SNTG1: variants seen among roughly 807,000 people sequenced by gnomAD.
SNTG1 encodes gamma-1-syntrophin.
Under a neutral mutation model 74.7 loss-of-function variants are expected in SNTG1, and 39 were observed. The ratio of observed to expected loss-of-function variants is 0.52; its 90% CI spans 0.40 to 0.68. SNTG1 has a LOEUF of 0.68. Among genes scored for constraint, SNTG1 ranks in the 30% least tolerant of loss-of-function variants. The pLI is 0.00. For missense variants in SNTG1, 685 were observed against 609.5 expected, an observed-to-expected ratio of 1.12 and a Z score of -1.30; for synonymous variants, 254 against 217.1, an observed-to-expected ratio of 1.17 and a Z score of -1.49.
intron 2 of SNTG1, among the ~76,000 whole-genome samples, chr8:50,269,257 C>T (rs1015649923): frequency 6.6e-6 from 1 of 152,088 alleles, no homozygotes; most frequent in African/African-American, 2.4e-5. Context: ...TAAAAATATT[C>T]ACCATATAAA....
chr8:50,591,703 G>A (rs1345973602), intron 13 of SNTG1, among the ~76,000 whole-genome samples: 1 of 152,162 alleles, frequency 6.6e-6, no homozygotes, highest in Admixed American at 6.5e-5. Flanking sequence ...CATTAATGAT[G>A]CTGCTAGCCC....
chr8:50,456,140 T>G (rs2093502969), intron 8 of SNTG1, among the ~76,000 whole-genome samples: 1 of 152,186 alleles, frequency 6.6e-6, no homozygotes, highest in Admixed American at 6.5e-5. Context: ...GATGCCTTTT[T>G]TGCTAGACCC....
Position 50,507,806 on chromosome 8 carries a change from G to A in SNTG1, c.466+4926G>A, listed in dbSNP as rs112058599. The stretch of plus-strand genomic sequence containing the variant: ...CCATTAACTCATCATTTAACATTAG[G>A]TGTATCTCCTAATGTTATCCCTTCC... On this transcript the variant is annotated intron_variant, in intron 9 of 18. Coordinates refer to ENST00000642720, the MANE Select transcript of SNTG1 (RefSeq NM_018967.5). Among the ~76,000 whole-genome samples the A allele has an allele frequency of 4.3e-3, 625 of 146,908 alleles. 3 individuals are homozygous for A. Among genetic ancestry groups the A allele is most frequent in the African/African-American group, 0.015 (607 of 39,662 alleles).
At chr8:50,481,950 G>T (rs2093744399) in intron 8 of SNTG1, among the ~76,000 whole-genome samples, 1 of 152,138 alleles carries the variant, frequency 6.6e-6, no homozygotes, top group South Asian at 2.1e-4. Context: ...AACAGTTCTG[G>T]TCCTGGATTT....
intron 2 of SNTG1, among the ~76,000 whole-genome samples, chr8:50,359,361 G>T (rs1454046033): frequency 6.6e-6 from 1 of 152,144 alleles, no homozygotes; most frequent in Admixed American, 6.5e-5. Context: ...CTGAACCAAG[G>T]CTGGAATTTA....
Position 50,132,763 on chromosome 8 carries a change from G to A in SNTG1, c.-102-39798G>A, listed in dbSNP as rs539530105. 5.9e-5 allele frequency among the ~76,000 whole-genome samples: 9 copies of A among 152,194 alleles called. No individual in the cohort carries two copies. In the South Asian group the frequency reaches 1.0e-3, roughly 18 times the overall value. On this transcript the variant is annotated intron_variant, in intron 1 of 18. Coordinates refer to ENST00000642720, the MANE Select transcript of SNTG1 (RefSeq NM_018967.5). Reference sequence around the variant, plus strand: ...GTCTCTTTCAGTCTAAACTGACAGTGTCTCTGCTGGTATAAAATTCTCAAA... The same window carrying A: ...GTCTCTTTCAGTCTAAACTGACAGTATCTCTGCTGGTATAAAATTCTCAAA...
chr8:50,506,375 C>A (rs1203818484), intron 9 of SNTG1, among the ~76,000 whole-genome samples: 2 of 151,966 alleles, frequency 1.3e-5, no homozygotes, highest in Non-Finnish European at 1.5e-5. Flanking sequence ...TCTATTTCTG[C>A]AAAATAATAC....
intron 18 of SNTG1, among the ~76,000 whole-genome samples, chr8:50,772,775 C>A (rs1167675875): frequency 6.6e-6 from 1 of 152,000 alleles, no homozygotes; most frequent in African/African-American, 2.4e-5. Context: ...GGTAGATTCC[C>A]CCATAAATAA....
intron 2 of SNTG1, among the ~76,000 whole-genome samples, chr8:50,316,512 ACT>A (rs1375462449): frequency 3.3e-5 from 5 of 152,140 alleles, no homozygotes; most frequent in Non-Finnish European, 7.4e-5. Context: ...TTGTTTGGTC[ACT>A]CTATTATATA....
chr8:49,994,228 A>T (rs1421083118), intron 1 of SNTG1, among the ~76,000 whole-genome samples: 1 of 150,400 alleles, frequency 6.6e-6, no homozygotes, highest in Non-Finnish European at 1.5e-5. Flanking sequence ...TATTGGGTAT[A>T]ATATTCAAGA....
chr8:50,526,079 G>A (rs770575975), intron 9 of SNTG1, among the ~76,000 whole-genome samples: 4 of 152,094 alleles, frequency 2.6e-5, no homozygotes, highest in Non-Finnish European at 5.9e-5. Context: ...AGAGAGGTTT[G>A]TTGGTTTCTT....
intron 5 of SNTG1, among the ~76,000 whole-genome samples, chr8:50,447,497 T>A (rs946285415): frequency 1.3e-5 from 2 of 152,178 alleles, no homozygotes; most frequent in African/African-American, 4.8e-5. Context: ...CTAAGAAACA[T>A]AGATGCATCC....
intron 13 of SNTG1, among the ~76,000 whole-genome samples, chr8:50,620,593 G>A (rs114094508): frequency 6.6e-6 from 1 of 152,178 alleles, no homozygotes; most frequent in Non-Finnish European, 1.5e-5. Flanking sequence ...GCCTCAGAGA[G>A]AGTAGCTAAT....
intron 1 of SNTG1, among the ~76,000 whole-genome samples, chr8:50,054,761 T>C (rs982372078): frequency 6.6e-6 from 1 of 152,164 alleles, no homozygotes; most frequent in Non-Finnish European, 1.5e-5. Flanking sequence ...AACCTTGAAC[T>C]CTTGGGTCCA....
intron 5 of SNTG1, among the ~76,000 whole-genome samples, chr8:50,444,076 C>G (rs536687310): frequency 6.6e-6 from 1 of 151,858 alleles, no homozygotes; most frequent in East Asian, 1.9e-4. Context: ...AGGCAGAGGT[C>G]GCAGTGAGCT....
chr8:50,204,548 A>G (rs13268921), intron 2 of SNTG1, among the ~76,000 whole-genome samples: 40,025 of 152,052 alleles, frequency 0.26, 5,374 homozygotes, highest in South Asian at 0.37. Flanking sequence ...TTGAAAATAA[A>G]TTTATTTAAT....
chr8:50,783,321 A>G (rs2095665556), intron 18 of SNTG1, among the ~76,000 whole-genome samples: 1 of 152,220 alleles, frequency 6.6e-6, no homozygotes, highest in Non-Finnish European at 1.5e-5. Flanking sequence ...AGAGGCAGGC[A>G]GGCCTCCTTG....
intron 13 of SNTG1, among the ~76,000 whole-genome samples, chr8:50,626,753 C>G (rs1313220093): frequency 6.6e-6 from 1 of 152,252 alleles, no homozygotes; most frequent in East Asian, 1.9e-4. Flanking sequence ...TCTGATAAAC[C>G]CACAACCTTC....
intron 2 of SNTG1, among the ~76,000 whole-genome samples, chr8:50,326,445 G>A (rs538911818): frequency 2.0e-4 from 30 of 152,036 alleles, no homozygotes; most frequent in South Asian, 4.1e-4. Context: ...AAATCAGCCC[G>A]TTTCACCAAC....
Sources: gnomAD v4.1 joint callset for allele counts (sites outside exome capture counted in the v4.1 genomes callset) on GRCh38, gnomAD v4.1.1 for gene constraint, MANE v1.5 for transcripts, NCBI Gene and HGNC (gene_info 2026-07-23, HGNC 2026-07-21) for gene names.